PSD3: variants seen among roughly 807,000 people sequenced by gnomAD.
The protein encoded by PSD3 is PH and SEC7 domain-containing protein 3.
In PSD3, 49 loss-of-function variants were observed where a neutral mutation model predicts 105.5. The ratio of observed to expected loss-of-function variants is 0.46; its 90% CI spans 0.37 to 0.59. The LOEUF is 0.59. Ranked by LOEUF, PSD3 falls within the 20% of genes least tolerant of loss-of-function variation. The pLI is 0.00. For missense variants in PSD3, 1,561 were observed against 1,263.8 expected, an observed-to-expected ratio of 1.24 and a Z score of -3.57; for synonymous variants, 557 against 457.8, an observed-to-expected ratio of 1.22 and a Z score of -2.77.
rs1220310818 is a variant in PSD3, at chr8:19,004,617, G to A, written c.21+8946C>T. Among the ~76,000 whole-genome samples, 3 of 151,950 alleles carry A rather than the reference G, an allele frequency of 2.0e-5. 1 individual carries two copies. The highest frequency in any genetic ancestry group is 1.9e-4 in the East Asian group (1 of 5,192). The stretch of plus-strand genomic sequence containing the variant: ...TAGACAAATAATATAATTTAAAAAC[G>A]GTCAAAGGATCTGAATAGACACTTC... On this transcript the variant is annotated intron_variant, in intron 1 of 15. Transcript: ENST00000327040.
At chr8:18,769,300 T>C (rs1475367505) in intron 8 of PSD3, among the ~76,000 whole-genome samples, 1 of 152,206 alleles carries the variant, frequency 6.6e-6, no homozygotes, top group Non-Finnish European at 1.5e-5. Flanking sequence ...TTTTTTGATA[T>C]GTGATCTGCA....
intron 14 of PSD3, among the ~76,000 whole-genome samples, chr8:18,571,948 A>G (rs1159029743): frequency 1.3e-5 from 2 of 152,198 alleles, no homozygotes; most frequent in Non-Finnish European, 2.9e-5. Context: ...ATGATAAAAT[A>G]TGGCTTTTAG....
chr8:18,552,837 C>T (rs1457169223), intron 15 of PSD3, among the ~76,000 whole-genome samples: 10 of 152,122 alleles, frequency 6.6e-5, no homozygotes, highest in Admixed American at 6.5e-4. Context: ...CATCCCTTCG[C>T]TTAGAGTTAA....
At chr8:19,070,609 C>T (rs891993356) in intron 1 of PSD3, among the ~76,000 whole-genome samples, 25 of 152,096 alleles carry the variant, frequency 1.6e-4, no homozygotes, top group Middle Eastern at 3.4e-3. Flanking sequence ...ATCTGGGAGG[C>T]GGAGGTTGCA....
chr8:18,786,122 T>G (rs185027263), intron 8 of PSD3, among the ~76,000 whole-genome samples: 61 of 152,286 alleles, frequency 4.0e-4, no homozygotes, highest in African/African-American at 1.3e-3. Context: ...GAGAATGACG[T>G]GAACCCGGGA....
At chr8:18,919,104 C>A (rs1050957966) in intron 2 of PSD3, among the ~76,000 whole-genome samples, 1 of 152,030 alleles carries the variant, frequency 6.6e-6, no homozygotes, top group African/African-American at 2.4e-5. Context: ...AATTTACCTG[C>A]AAATATGCTC....
intron 8 of PSD3, among the ~76,000 whole-genome samples, chr8:18,783,373 CTT>C (rs927536142): frequency 2.0e-5 from 3 of 152,262 alleles, no homozygotes; most frequent in Admixed American, 1.3e-4. Flanking sequence ...TCTAATTCAA[CTT>C]TTGTCAGTTG....
At chr8:18,795,693 G>A (rs1490164672) in intron 8 of PSD3, among the ~76,000 whole-genome samples, 4 of 152,148 alleles carry the variant, frequency 2.6e-5, no homozygotes, top group Admixed American at 6.5e-5. Context: ...CTGCCAGGAC[G>A]GTAGGAACCT....
rs11367308 is a variant in PSD3 at position 18,870,683 on chromosome 8, CAA to C, written c.1238+941_1238+942del. Among the ~76,000 whole-genome samples, 27 of 124,264 alleles carry C rather than the reference CAA, an allele frequency of 2.2e-4. 1 individual carries two copies. Among genetic ancestry groups the C allele is most frequent in the South Asian group, 4.9e-4 (2 of 4,068 alleles). 81.5% of individuals were successfully genotyped at this position (124,264 alleles called of 152,430 possible). A position where few individuals can be genotyped will look rare whatever the true frequency, so the allele number is the denominator to read the frequency against. ...ACCCCAGAACCTAAAGTATAATTTACAAAAAAAAAAAAGGCCATAAATCAAAA... is the reference window on the plus strand; with the variant it reads ...ACCCCAGAACCTAAAGTATAATTTACAAAAAAAAAAGGCCATAAATCAAAA... On this transcript the variant is annotated intron_variant, in intron 3 of 15. Coordinates refer to ENST00000327040, the MANE Select transcript of PSD3 (RefSeq NM_015310.4).
chr8:18,950,502 A>T (rs1249715161), intron 1 of PSD3, among the ~76,000 whole-genome samples: 1 of 152,156 alleles, frequency 6.6e-6, no homozygotes, highest in Non-Finnish European at 1.5e-5. Flanking sequence ...TGTCCAACTG[A>T]GGCTTTGCAC....
At chr8:18,917,408 G>A (rs946861478) in intron 2 of PSD3, among the ~76,000 whole-genome samples, 1 of 152,122 alleles carries the variant, frequency 6.6e-6, no homozygotes, top group African/African-American at 2.4e-5. Flanking sequence ...CGACACAGGG[G>A]CAATGAGCTC....
chr8:18,741,269 A>G (rs1804551171), intron 9 of PSD3, among the ~76,000 whole-genome samples: 1 of 152,148 alleles, frequency 6.6e-6, no homozygotes, highest in Admixed American at 6.5e-5. Context: ...ATGCGATGTC[A>G]TCTCCATTTT....
chr8:18,778,781 C>T (rs1287136525), intron 8 of PSD3, among the ~76,000 whole-genome samples: 4 of 151,454 alleles, frequency 2.6e-5, no homozygotes, highest in Non-Finnish European at 5.9e-5. Context: ...TATAATAAAC[C>T]ATCCTACCAT....
intron 1 of PSD3, among the ~76,000 whole-genome samples, chr8:18,999,061 G>A (rs953163247): frequency 1.3e-5 from 2 of 152,108 alleles, no homozygotes; most frequent in African/African-American, 4.8e-5. Flanking sequence ...AATTATTCAG[G>A]AGGGAAGCAG....
At chr8:18,688,688 A>G (rs1034060087) in intron 9 of PSD3, among the ~76,000 whole-genome samples, 5 of 152,158 alleles carry the variant, frequency 3.3e-5, no homozygotes, top group Non-Finnish European at 7.3e-5. Context: ...ATCACCCACA[A>G]TCATGGTGTT....
rs186150852 is a variant in PSD3 at position 18,717,859 on chromosome 8, C to T, written c.2172+47590G>A. On this transcript the variant is annotated intron_variant, in intron 9 of 15. Coordinates refer to ENST00000327040, the MANE Select transcript of PSD3 (RefSeq NM_015310.4). Reference sequence around the variant, plus strand: ...ACTTTTGCCTGCTCTAGCTCCCTTACGAACATTAAATTCTCTGCGGTGAGA... The same window carrying T: ...ACTTTTGCCTGCTCTAGCTCCCTTATGAACATTAAATTCTCTGCGGTGAGA... 2.0e-5 allele frequency among the ~76,000 whole-genome samples: 3 copies of T among 152,248 alleles called. No individual in the cohort carries two copies. The East Asian group carries it at 5.8e-4, about 29-fold the overall frequency.
chr8:18,954,296 C>G (rs992120498), intron 1 of PSD3, among the ~76,000 whole-genome samples: 2 of 151,996 alleles, frequency 1.3e-5, no homozygotes, highest in African/African-American at 2.4e-5. Context: ...GGGTTCAATG[C>G]TGAATTTGAC....
chr8:18,708,952 T>A (rs370242785), intron 9 of PSD3, among the ~76,000 whole-genome samples: 19 of 152,226 alleles, frequency 1.2e-4, no homozygotes, highest in African/African-American at 4.3e-4. Flanking sequence ...AAACCACGCT[T>A]TTTCCAAGTA....
chr8:18,900,017 AAAAG>A (rs1819403483), intron 2 of PSD3, among the ~76,000 whole-genome samples: 1 of 152,156 alleles, frequency 6.6e-6, no homozygotes, highest in Admixed American at 6.5e-5. Flanking sequence ...TACAAGAAAA[AAAAG>A]AAAGAAACCT....
Sources: allele counts gnomAD v4.1 joint callset (sites outside exome capture counted in the v4.1 genomes callset), GRCh38; gene constraint gnomAD v4.1.1; transcripts MANE v1.5; gene names NCBI Gene and HGNC (gene_info 2026-07-23, HGNC 2026-07-21).